SWAP70: variants seen among roughly 807,000 people sequenced by gnomAD.
SWAP70 encodes the protein switching B cell complex subunit SWAP70.
A neutral mutation model predicts 80.2 loss-of-function variants in SWAP70; 34 were observed. That is an observed-to-expected ratio of 0.42 (90% CI 0.32 to 0.56). The LOEUF (loss-of-function observed/expected upper bound fraction) is 0.56. SWAP70 is among the 20% of genes least tolerant of loss of function. The probability of loss-of-function intolerance (pLI) is 0.09; values close to 1 mark genes in which losing one functional copy is unlikely to be tolerated. For missense variants in SWAP70, 578 were observed against 690.7 expected (o/e 0.84, Z 1.83); for synonymous variants, 239 against 238.5 (o/e 1.00, Z -0.02).
chr11:9,671,745 A>AATATATAAATATATTTCTATTTATAC (rs1554982553), intron 1 of SWAP70, among the ~76,000 whole-genome samples: 2 of 64,240 alleles, frequency 3.1e-5, no homozygotes, highest in East Asian at 8.1e-4. Context: ...TATACATAGA[A>AATATATAAATATATTTCTATTTATAC]ATATAAATAT....
Position 9,728,148 on chromosome 11 carries a change from T to A in SWAP70, c.738T>A (p.Asp246Glu). Reference sequence around the variant, plus strand: ...TAATTTCTTACTATGTGAGTGAGGATCTGAAGGATAAGAAAGGAGACATTC... The same window carrying A: ...TAATTTCTTACTATGTGAGTGAGGAACTGAAGGATAAGAAAGGAGACATTC... Reference protein sequence around the residue: ...PNIISYYVSEDLKDKKGDILL... With the variant: ...PNIISYYVSEELKDKKGDILL... Residue 246 changes from aspartate (D) to glutamate (E), a missense_variant, in exon 5 of 12, where the codon GAT becomes GAA. Coordinates refer to ENST00000318950, the MANE Select transcript of SWAP70 (RefSeq NM_015055.4). 6.2e-7 allele frequency: 1 copy of A among 1,613,246 alleles called. No homozygotes were observed. Among genetic ancestry groups the A allele is most frequent in the Non-Finnish European group, 8.5e-7 (1 of 1,179,722 alleles).
At chr11:9,740,671 G>T in intron 9 of SWAP70, 2 of 375,218 alleles carry the variant, frequency 5.3e-6, no homozygotes, top group South Asian at 2.2e-5. Context: ...TAAGAGCTTG[G>T]CATCTTCAAC....
chr11:9,693,127 C>T (rs1023879939), intron 1 of SWAP70, among the ~76,000 whole-genome samples: 1 of 152,088 alleles, frequency 6.6e-6, no homozygotes, highest in Non-Finnish European at 1.5e-5. Flanking sequence ...GAATGTGGCT[C>T]CTTAAGGTTA....
chr11:9,709,612 C>T (rs552573320), intron 2 of SWAP70, among the ~76,000 whole-genome samples: 19 of 152,260 alleles, frequency 1.2e-4, no homozygotes, highest in Non-Finnish European at 2.4e-4. Context: ...TTCAGCCTCC[C>T]GGGCAGCTAG....
chr11:9,688,094 TG>T (rs1850654430), intron 1 of SWAP70, among the ~76,000 whole-genome samples: 1 of 152,204 alleles, frequency 6.6e-6, no homozygotes, highest in South Asian at 2.1e-4. Flanking sequence ...TCTTTTTATC[TG>T]TGAAGTGAGG....
intron 4 of SWAP70, among the ~76,000 whole-genome samples, chr11:9,725,569 ATT>A (rs746391271): frequency 0.011 from 282 of 26,388 alleles, no homozygotes; most frequent in South Asian, 0.052. Flanking sequence ...ATATATATAT[ATT>A]TTTTTTTTTT....
chr11:9,669,083 G>A (rs190799001), intron 1 of SWAP70, among the ~76,000 whole-genome samples: 168 of 152,242 alleles, frequency 1.1e-3, no homozygotes, highest in Non-Finnish European at 5.0e-4. Flanking sequence ...TAAAGATACT[G>A]AGTGTGACAG....
chr11:9,731,437 A>T (rs888408613), intron 6 of SWAP70, among the ~76,000 whole-genome samples: 26 of 152,266 alleles, frequency 1.7e-4, no homozygotes, highest in Non-Finnish European at 3.5e-4. Flanking sequence ...GGTTGTGGTG[A>T]GGATTAGAAA....
rs777524288 is a variant in SWAP70 at position 9,748,047 on chromosome 11, G to A, written c.1545G>A (p.Glu515=). Reference sequence around the variant, plus strand: ...AGTTAGAACGGAAGCAAGCACTTGAGCAGTACGAGGTAATGAGACTTGGCC... The same window carrying A: ...AGTTAGAACGGAAGCAAGCACTTGAACAGTACGAGGTAATGAGACTTGGCC... The part of the protein sequence containing the change: ...QLELERKQAL[E]QYEEVKKKLE... The change falls in exon 10 of 12, where the codon GAG becomes GAA. Residue 515 remains glutamate, a synonymous_variant. Transcript: ENST00000318950. 6.8e-6 allele frequency: 11 copies of A among 1,613,906 alleles called. No individual in the cohort carries two copies. In the East Asian group the frequency reaches 1.1e-4, roughly 16 times the overall value.
At chr11:9,676,001 A>G (rs1339381582) in intron 1 of SWAP70, among the ~76,000 whole-genome samples, 1 of 152,208 alleles carries the variant, frequency 6.6e-6, no homozygotes, top group Non-Finnish European at 1.5e-5. Context: ...AGGAACACTA[A>G]GTGATTGTTT....
At chr11:9,675,373 GAGAGAGAGAGAGAGAGAGAGA>G (rs1850481492) in intron 1 of SWAP70, among the ~76,000 whole-genome samples, 9 of 56,584 alleles carry the variant, frequency 1.6e-4, no homozygotes, top group South Asian at 7.7e-4. Flanking sequence ...GAGAGAGAGA[GAGAGAGAGAGAGAGAGAGAGA>G]GAGAGAGAGA....
At chr11:9,727,982 A>G (rs1360003986) in intron 4 of SWAP70, 71 bp from the exon 5 acceptor site, 4 of 1,375,622 alleles carry the variant, frequency 2.9e-6, no homozygotes, top group Non-Finnish European at 3.9e-6. Context: ...GTAGGCAAGT[A>G]TATCAAGGAA....
chr11:9,720,108 A>T (rs1186890795), intron 3 of SWAP70: 4 of 985,272 alleles, frequency 4.1e-6, no homozygotes, highest in Non-Finnish European at 4.8e-6. Context: ...GCAACACATG[A>T]TTTATTATTT....
At chr11:9,700,321 C>T (rs1272846383) in intron 2 of SWAP70, among the ~76,000 whole-genome samples, 1 of 152,080 alleles carries the variant, frequency 6.6e-6, no homozygotes, top group Non-Finnish European at 1.5e-5. Flanking sequence ...TTTGCCAGTC[C>T]TGCAATCCAA....
chr11:9,670,829 C>T lies in SWAP70; in HGVS notation c.99+6551C>T, dbSNP rs141637009. Among the ~76,000 whole-genome samples, 1,070 of 152,000 alleles carry T rather than the reference C, an allele frequency of 7.0e-3. 11 individuals are homozygous for T. The highest frequency in any genetic ancestry group is 0.024 in the African/African-American group (1,011 of 41,444). On this transcript the variant is annotated intron_variant, in intron 1 of 11. Coordinates refer to ENST00000318950, the MANE Select transcript of SWAP70 (RefSeq NM_015055.4). ...AGCACAGTGGGGCCATCTCGGCTCACTGCAACCTTCACCTCCTGGGTTCAC... is the reference window on the plus strand; with the variant it reads ...AGCACAGTGGGGCCATCTCGGCTCATTGCAACCTTCACCTCCTGGGTTCAC...
chr11:9,748,484 G>A (rs1453230251), intron 10 of SWAP70, among the ~76,000 whole-genome samples: 2 of 152,204 alleles, frequency 1.3e-5, no homozygotes, highest in Non-Finnish European at 2.9e-5. Flanking sequence ...TGCACAGATG[G>A]CAGAAAAGTT....
chr11:9,695,505 C>G (rs995204967), intron 2 of SWAP70, among the ~76,000 whole-genome samples: 2 of 151,318 alleles, frequency 1.3e-5, no homozygotes, highest in Non-Finnish European at 2.9e-5. Context: ...TCATCCTCAG[C>G]AAACTAACAC....
chr11:9,689,795 G>A (rs1006159298), intron 1 of SWAP70, among the ~76,000 whole-genome samples: 1 of 152,180 alleles, frequency 6.6e-6, no homozygotes, highest in Non-Finnish European at 1.5e-5. Flanking sequence ...AGACTTCTAG[G>A]TATGTGGACT....
At position 9,728,176 on chromosome 11, in the gene SWAP70, T is replaced by C; in HGVS notation, c.766T>C (p.Leu256=). The part of the protein sequence containing the change: ...DLKDKKGDIL[L]DENCCVESLP... ...GAAGGATAAGAAAGGAGACATTCTC[T>C]TGGATGAAAATTGCTGTGTAGAGGT... The change falls in exon 5 of 12, where the codon TTG becomes CTG. Residue 256 remains leucine (L), a synonymous_variant. Coordinates refer to ENST00000318950, the MANE Select transcript of SWAP70 (RefSeq NM_015055.4). 2 of 1,611,494 alleles carry C rather than the reference T, an allele frequency of 1.2e-6. No individual in the cohort carries two copies. Among genetic ancestry groups the C allele is most frequent in the Non-Finnish European group, 8.5e-7 (1 of 1,179,118 alleles).
Sources: allele counts gnomAD v4.1 joint callset (sites outside exome capture counted in the v4.1 genomes callset), GRCh38; gene constraint gnomAD v4.1.1; transcripts MANE v1.5; gene names NCBI Gene and HGNC (gene_info 2026-07-23, HGNC 2026-07-21).